SMARCA4: variants seen among roughly 807,000 people sequenced by gnomAD.
SMARCA4 encodes the protein SWI/SNF related BAF chromatin remodeling complex subunit ATPase 4, also known as SWI/SNF-related matrix-associated actin-dependent regulator of chromatin subfamily A member 4.
SMARCA4 carries 31 observed loss-of-function variants against 193.9 expected under a neutral mutation model. The observed-to-expected ratio is 0.16, with a 90% CI of 0.12 to 0.22. The LOEUF is 0.22. Among genes scored for constraint, SMARCA4 ranks in the 10% least tolerant of loss-of-function variants. The probability of loss-of-function intolerance (pLI) is 1.00; values close to 1 mark genes in which losing one functional copy is unlikely to be tolerated. For missense variants in SMARCA4, 1,148 were observed against 2,296.0 expected, an observed-to-expected ratio of 0.50 and a Z score of 10.22; for synonymous variants, 942 against 933.1, an observed-to-expected ratio of 1.01 and a Z score of -0.17.
At chr19:11,004,173 T>G (rs149178972) in intron 13 of SMARCA4, among the ~76,000 whole-genome samples, 1 of 151,946 alleles carries the variant, frequency 6.6e-6, no homozygotes, top group Non-Finnish European at 1.5e-5. Context: ...CCTGCCACCA[T>G]GCCTGGCTAA....
intron 11 of SMARCA4, among the ~76,000 whole-genome samples, chr19:11,002,412 G>C (rs2087724159): frequency 6.6e-6 from 1 of 152,106 alleles, no homozygotes; most frequent in South Asian, 2.1e-4. Context: ...CTGGGAGGTG[G>C]AGCTTGCAGT....
At chr19:11,007,001 C>T (rs906543074) in intron 13 of SMARCA4, among the ~76,000 whole-genome samples, 2 of 151,892 alleles carry the variant, frequency 1.3e-5, no homozygotes, top group South Asian at 2.1e-4. Flanking sequence ...GTGGGAGGAT[C>T]GCTTAAGTCC....
intron 32 of SMARCA4, chr19:11,059,341 G>C (rs1054423427): frequency 3.1e-6 from 1 of 318,472 alleles, no homozygotes; most frequent in Non-Finnish European, 6.0e-6. Flanking sequence ...GCCTCAACTT[G>C]GCAAACTTTC....
At chr19:11,054,225 T>C (rs1442609809) in intron 30 of SMARCA4, among the ~76,000 whole-genome samples, 2 of 152,228 alleles carry the variant, frequency 1.3e-5, no homozygotes, top group African/African-American at 4.8e-5. Context: ...TAAACACTTG[T>C]TCCTGAGTGT....
At position 11,062,152 on chromosome 19, in the gene SMARCA4, G is replaced by A. The variant is rs1233738744; in HGVS notation, c.*336G>A. The A allele has an allele frequency of 1.3e-5, 6 of 446,150 alleles. No homozygotes were observed. The highest frequency in any genetic ancestry group is 2.5e-5 in the Non-Finnish European group (6 of 241,280). 27.6% of individuals were successfully genotyped at this position (446,150 alleles called of 1,614,324 possible). A position where few individuals can be genotyped will look rare whatever the true frequency, so the allele number is the denominator to read the frequency against. The stretch of plus-strand genomic sequence containing the variant: ...TCACTGTAGTTAAGTGTGGATGCAT[G>A]TGCGTCACCGTCCACTCCTCCTACT... On this transcript the variant is annotated 3_prime_UTR_variant, in exon 35 of 35. Coordinates refer to ENST00000344626, the MANE Select transcript of SMARCA4 (RefSeq NM_003072.5).
At position 10,987,970 on chromosome 19, in the gene SMARCA4, A is replaced by G. The variant is rs1568428010; in HGVS notation, c.1118+46A>G. 1 of 1,602,442 alleles carries G rather than the reference A, an allele frequency of 6.2e-7. No homozygotes were observed. The highest frequency in any genetic ancestry group is 2.2e-5 in the East Asian group (1 of 44,752). On this transcript the variant is annotated intron_variant, in intron 6 of 34. Coordinates refer to ENST00000344626, the MANE Select transcript of SMARCA4 (RefSeq NM_003072.5). This position sits in a 1 kb window ranked among gnomAD's most constrained non-coding sequence, Gnocchi z 5.3. ...CCAAGGTCACTGCCCTGTGTCCCCC[A>G]TGTCCCCCTGGGGAAGCCACTCAAC...
rs2147160173 is a variant in SMARCA4 at position 11,061,897 on chromosome 19, CA to C, written c.*82del. On this transcript the variant is annotated 3_prime_UTR_variant, in exon 35 of 35. Transcript: ENST00000344626. ...AGGCCTTAGCAGTAACGGGTAGCAG[CA>C]GATGTAGTTTCAGACTTGGAGTAAA... The C allele has an allele frequency of 1.7e-5, 21 of 1,269,404 alleles. No individual in the cohort carries two copies. The South Asian group carries it at 2.4e-4, about 14-fold the overall frequency. The allele number at this position is 1,269,404 out of a possible 1,614,324, so 78.6% of individuals were successfully genotyped here. A position where few individuals can be genotyped will look rare whatever the true frequency, so the allele number is the denominator to read the frequency against.
intron 1 of SMARCA4, among the ~76,000 whole-genome samples, chr19:10,962,109 G>A (rs1787409406): frequency 6.6e-6 from 1 of 151,854 alleles, no homozygotes; most frequent in Non-Finnish European, 1.5e-5. Context: ...GATTCCTGGT[G>A]CTGTCAGTCA....
Position 11,023,379 on chromosome 19 carries a change from G to A in SMARCA4, c.2860-139G>A, listed in dbSNP as rs1005472380. ...CTGGCTCCCAGAAAGCATAAAGCAG[G>A]CTGAAAAGCCACGTGCCAAGGGCAA... On this transcript the variant is annotated intron_variant, in intron 19 of 34. Coordinates refer to ENST00000344626, the MANE Select transcript of SMARCA4 (RefSeq NM_003072.5). 35 of 687,086 alleles carry A rather than the reference G, an allele frequency of 5.1e-5. 1 individual carries two copies. Among genetic ancestry groups the A allele is most frequent in the Non-Finnish European group, 8.6e-5 (32 of 373,066 alleles). The allele number at this position is 687,086 out of a possible 1,614,324, so 42.6% of individuals were successfully genotyped here. A position where few individuals can be genotyped will look rare whatever the true frequency, so the allele number is the denominator to read the frequency against.
At chr19:11,003,236 A>G (rs1458204399) in intron 12 of SMARCA4, 77 bp downstream of exon 12, 9 of 1,608,558 alleles carry the variant, frequency 5.6e-6, no homozygotes, top group African/African-American at 5.3e-5. Flanking sequence ...GGTGGCAGCC[A>G]GGAGCAATTT....
chr19:11,002,900 C>A, intron 11 of SMARCA4, 129 bp from the exon 12 acceptor site: 1 of 948,036 alleles, frequency 1.1e-6, no homozygotes, highest in Non-Finnish European at 1.7e-6. Flanking sequence ...CGCATTTTCC[C>A]ACCACTGGCC....
intron 30 of SMARCA4, among the ~76,000 whole-genome samples, chr19:11,046,691 C>T (rs768657661): frequency 2.6e-5 from 4 of 152,254 alleles, no homozygotes; most frequent in South Asian, 2.1e-4. Context: ...GTAGTGGTCA[C>T]GCCTGTAATC....
At chr19:11,046,859 G>A (rs1342350019) in intron 30 of SMARCA4, among the ~76,000 whole-genome samples, 2 of 150,632 alleles carry the variant, frequency 1.3e-5, no homozygotes, top group African/African-American at 2.4e-5. Flanking sequence ...AGGAAGCTGA[G>A]GCAGAAGGAC....
At chr19:10,997,009 C>T in intron 11 of SMARCA4, among the ~76,000 whole-genome samples, 1 of 151,794 alleles carries the variant, frequency 6.6e-6, no homozygotes, top group Middle Eastern at 3.2e-3. Context: ...TTATGCCCCA[C>T]CACACCCAGC....
rs2145878353 is a variant in SMARCA4, at chr19:10,991,172, G to A, written c.1268G>A (p.Cys423Tyr). ...CAGCTGCGCCAGGAGGTGGTGGTGT[G>A]CATGCGGAGGGACACAGCGCTGGAG... is the stretch of plus-strand genomic sequence containing the variant. ...QRQLRQEVVV[C>Y]MRRDTALETA... The change falls in exon 8 of 35, where the codon TGC becomes TAC. Residue 423 changes from cysteine to tyrosine, a missense_variant. Cys to Tyr is a radical substitution (Grantham distance 194). Transcript: ENST00000344626. The A allele has an allele frequency of 6.2e-7, 1 of 1,613,832 alleles. No individual in the cohort carries two copies. Among genetic ancestry groups the A allele is most frequent in the East Asian group, 2.2e-5 (1 of 44,886 alleles).
chr19:11,036,790 C>T (rs2075295938), intron 29 of SMARCA4, among the ~76,000 whole-genome samples: 1 of 152,150 alleles, frequency 6.6e-6, no homozygotes, highest in Admixed American at 6.5e-5. Flanking sequence ...ATTTGCCATT[C>T]CTGGTAATTC....
intron 18 of SMARCA4, 85 bp from the exon 19 acceptor site, chr19:11,021,640 C>T: frequency 3.3e-6 from 5 of 1,513,720 alleles, no homozygotes; most frequent in Non-Finnish European, 4.5e-6. Context: ...GCCTTCCTGG[C>T]TGCTGGGCGC....
chr19:11,030,194 G>A lies in SMARCA4; in HGVS notation c.3383-536G>A, dbSNP rs1237227875. ...GAAAGGACACGAGCCCCCTTTATAA[G>A]GTCTCCATGCTTTTACCGTAGAAGA... On this transcript the variant is annotated intron_variant, in intron 24 of 34. Coordinates refer to ENST00000344626, the MANE Select transcript of SMARCA4 (RefSeq NM_003072.5). This position sits in a 1 kb window ranked among gnomAD's most constrained non-coding sequence, Gnocchi z 5.5. 3.9e-5 allele frequency among the ~76,000 whole-genome samples: 6 copies of A among 152,204 alleles called. No homozygotes were observed. The highest frequency in any genetic ancestry group is 8.8e-5 in the Non-Finnish European group (6 of 68,028).
intron 30 of SMARCA4, among the ~76,000 whole-genome samples, chr19:11,044,323 G>A (rs1014349667): frequency 1.3e-5 from 2 of 152,118 alleles, no homozygotes; most frequent in African/African-American, 4.8e-5. Context: ...TTTCTTCCAC[G>A]GGAGCCAAAA....
Sources: allele counts gnomAD v4.1 joint callset (sites outside exome capture counted in the v4.1 genomes callset), GRCh38; gene constraint gnomAD v4.1.1; non-coding constraint Gnocchi (gnomAD v3.1); transcripts MANE v1.5; gene names NCBI Gene and HGNC (gene_info 2026-07-23, HGNC 2026-07-21).